The following HEATR9 variants were observed in gnomAD, a reference collection of about 807,000 sequenced individuals.
The protein encoded by HEATR9 is HEAT repeat containing 9.
Under a neutral mutation model 68.2 loss-of-function variants are expected in HEATR9, and 54 were observed. The ratio of observed to expected loss-of-function variants is 0.79; its 90% confidence interval spans 0.64 to 0.99. The LOEUF is 0.99. Ranked by LOEUF, HEATR9 falls within the 50% of genes least tolerant of loss-of-function variation. The pLI is 0.00. For synonymous variants in HEATR9, 241 were observed against 253.5 expected (o/e 0.95, Z 0.47); for missense variants, 662 against 679.7 (o/e 0.97, Z 0.29).
At chr17:35,859,913 A>G (rs933814069) in intron 8 of HEATR9, among the ~76,000 whole-genome samples, 3 of 152,174 alleles carry the variant, frequency 2.0e-5, no homozygotes, top group Non-Finnish European at 4.4e-5. Context: ...CAGTGAGAAA[A>G]TCAAAGCAAC....
At position 35,855,741 on chromosome 17, in the gene HEATR9, C is replaced by G. The variant is rs1470793086; in HGVS notation, c.1288G>C (p.Gly430Arg). The G allele has an allele frequency of 6.2e-7, 1 of 1,613,868 alleles. No homozygotes were observed. The highest frequency in any genetic ancestry group is 2.2e-5 in the East Asian group (1 of 44,874). The change falls in exon 14 of 15, where the codon GGG becomes CGG. Residue 430 changes from glycine to arginine, a missense_variant. By Grantham distance (125) the Gly-to-Arg change is moderately radical (BLOSUM62 -2). Coordinates refer to ENST00000604834, the MANE Select transcript of HEATR9 (RefSeq NM_152781.4). ...TGGAACACTTGTGGACTGCGGATCC[C>G]CAGGACACCCTGGCAGAGGCAGAGT... ...QEAVISLGVL[G>R]IRSPQVFHLL...
In HEATR9 at chr17:35,861,528, G is replaced by C. The variant is rs994256541; in HGVS notation, c.756+1467C>G. On this transcript the variant is annotated intron_variant, in intron 8 of 14. Transcript: ENST00000604834. ...CAAACATCATGTCATGGCTGGGGTAGATGGGCCTCGAAGAGAAATAACACT... is the reference window on the plus strand; with the variant it reads ...CAAACATCATGTCATGGCTGGGGTACATGGGCCTCGAAGAGAAATAACACT... The C allele has an allele frequency of 5.5e-6, 5 of 913,438 alleles. No individual in the cohort carries two copies. The African/African-American group carries it at 6.5e-5, about 12-fold the overall frequency. 56.6% of individuals were successfully genotyped at this position (913,438 alleles called of 1,614,324 possible).
At chr17:35,864,712 C>T (rs2088129852) in intron 4 of HEATR9, 46 bp downstream of exon 4, 1 of 1,611,160 alleles carries the variant, frequency 6.2e-7, no homozygotes. Context: ...GGGAAGGGCA[C>T]CCACAGGGAG....
At position 35,861,374 on chromosome 17, in the gene HEATR9, C is replaced by T. The variant is rs142818586; in HGVS notation, c.756+1621G>A. The T allele has an allele frequency of 1.5e-3, 2,370 of 1,594,070 alleles. 49 individuals carry two copies. In the African/African-American group the frequency reaches 0.029, roughly 19 times the overall value. On this transcript the variant is annotated intron_variant, in intron 8 of 14. Coordinates refer to ENST00000604834, the MANE Select transcript of HEATR9 (RefSeq NM_152781.4). Reference sequence around the variant, plus strand: ...TTTTAAAATTCAAATGAATTATCCACTGTAAGCTCTTTACCAGCTGCTTTC... The same window carrying T: ...TTTTAAAATTCAAATGAATTATCCATTGTAAGCTCTTTACCAGCTGCTTTC...
intron 11 of HEATR9, among the ~76,000 whole-genome samples, chr17:35,857,530 T>C (rs1470195721): frequency 1.3e-5 from 2 of 151,994 alleles, no homozygotes; most frequent in Non-Finnish European, 2.9e-5. Context: ...GAGGCCGAGG[T>C]GGGCAGATCA....
chr17:35,865,267 G>A lies in HEATR9; in HGVS notation c.268C>T (p.Arg90Ter), dbSNP rs1303896230. Residue 90 changes from arginine (R) to a stop codon, truncating the protein, a stop_gained, in exon 3 of 15, where the codon CGA (arginine) becomes TGA (stop). Coordinates refer to ENST00000604834, the MANE Select transcript of HEATR9 (RefSeq NM_152781.4). LOFTEE classifies it high-confidence loss of function. Reference sequence around the variant, plus strand: ...ATCTTCTCAGCCTCCCTTTCCTCTCGCTGATCATACAGGTCGTGCCAGTGC... The same window carrying A: ...ATCTTCTCAGCCTCCCTTTCCTCTCACTGATCATACAGGTCGTGCCAGTGC... ...YTHWHDLYDQ[R>*]EEREAEKMLR... is the part of the protein sequence containing the mutation. 5.6e-6 allele frequency: 9 copies of A among 1,613,898 alleles called. No individual in the cohort carries two copies. Among genetic ancestry groups the A allele is most frequent in the South Asian group, 2.2e-5 (2 of 91,042 alleles).
At chr17:35,856,345 C>T in intron 12 of HEATR9, 121 bp from the exon 13 acceptor site, 1 of 1,607,316 alleles carries the variant, frequency 6.2e-7, no homozygotes, top group Non-Finnish European at 8.5e-7. Context: ...TCATTCATTT[C>T]CTTCTCTTGT....
intron 3 of HEATR9, 106 bp downstream of exon 3, chr17:35,865,109 C>T (rs2088148743): frequency 7.2e-7 from 1 of 1,392,784 alleles, no homozygotes. Flanking sequence ...TCTCTGGGAC[C>T]TGTAGGCTGA....
chr17:35,868,645 C>G lies in HEATR9; in HGVS notation c.88+10G>C. On this transcript the variant is annotated intron_variant, in intron 1 of 14. Coordinates refer to ENST00000604834, the MANE Select transcript of HEATR9 (RefSeq NM_152781.4). Reference sequence around the variant, plus strand: ...GCTCTTGGCTCCATTTCTGTCCATCCCAGCCTCACCTTTGGTCTTGTCTGG... The same window carrying G: ...GCTCTTGGCTCCATTTCTGTCCATCGCAGCCTCACCTTTGGTCTTGTCTGG... The G allele has an allele frequency of 6.2e-7, 1 of 1,614,138 alleles. No homozygotes were observed. The highest frequency in any genetic ancestry group is 8.5e-7 in the Non-Finnish European group (1 of 1,180,000).
chr17:35,856,708 C>T (rs2087786291), intron 12 of HEATR9, 24 bp downstream of exon 12: 6 of 1,583,938 alleles, frequency 3.8e-6, no homozygotes, highest in Non-Finnish European at 5.2e-6. Flanking sequence ...AGGATTTGGC[C>T]CTGGCAGCTC....
intron 1 of HEATR9, 138 bp downstream of exon 1, chr17:35,868,517 A>G (rs1389919456): frequency 8.3e-6 from 12 of 1,453,156 alleles, no homozygotes; most frequent in African/African-American, 4.3e-5. Context: ...AGAGCCATCA[A>G]AGTGTCCAAG....
chr17:35,867,184 C>T (rs1347448200), intron 1 of HEATR9, among the ~76,000 whole-genome samples: 1 of 151,754 alleles, frequency 6.6e-6, no homozygotes, highest in Non-Finnish European at 1.5e-5. Context: ...GGTGTGAACC[C>T]GGGAGGCGGA....
At chr17:35,861,501 G>T in intron 8 of HEATR9, 1 of 1,155,722 alleles carries the variant, frequency 8.7e-7, no homozygotes, top group South Asian at 1.2e-5. Flanking sequence ...AGTCGTTGCG[G>T]ACAAACATCA....
chr17:35,863,233 G>A, intron 7 of HEATR9, 108 bp from the exon 8 acceptor site: 1 of 1,442,390 alleles, frequency 6.9e-7, no homozygotes, highest in Non-Finnish European at 9.6e-7. Flanking sequence ...CCAAGTCCTA[G>A]GTACCACAGT....
intron 2 of HEATR9, 59 bp from the exon 3 acceptor site, chr17:35,865,455 G>T: frequency 1.5e-6 from 2 of 1,355,416 alleles, no homozygotes; most frequent in Non-Finnish European, 2.1e-6. Context: ...ACTTGTGAGG[G>T]TATGGGGAGG....
chr17:35,862,968 C>A, intron 8 of HEATR9, 27 bp downstream of exon 8: 1 of 1,614,168 alleles, frequency 6.2e-7, no homozygotes, highest in Non-Finnish European at 8.5e-7. Context: ...AGCTTTGCCC[C>A]CAATTAAAGA....
Position 35,865,329 on chromosome 17 carries a change from A to G in HEATR9, c.206T>C (p.Val69Ala), listed in dbSNP as rs2088161723. The change falls in exon 3 of 15, where the codon GTC (valine) becomes GCC (alanine). Residue 69 changes from valine to alanine, a missense_variant. By Grantham distance (64) the Val-to-Ala change is moderately conservative. Transcript: ENST00000604834. ...WRQHPSKPNS[V>A]PYCYFKKPEI... ...AGGTTTCTTGAAGTAGCAGTACGGG[A>G]CTGAGTTTGGCTTGCTCGGATGCTG... The G allele has an allele frequency of 1.2e-6, 2 of 1,613,376 alleles. No homozygotes were observed. The highest frequency in any genetic ancestry group is 1.7e-6 in the Non-Finnish European group (2 of 1,179,806).
Position 35,856,787 on chromosome 17 carries a change from CCACAGCCTGCCT to C in HEATR9, c.1159_1170del (p.Arg387_Val390del). On this transcript the variant is annotated inframe_deletion, in exon 12 of 15. Coordinates refer to ENST00000604834, the MANE Select transcript of HEATR9 (RefSeq NM_152781.4). ...AACTTGAGCTCTTCCACAGTTTGAGCCACAGCCTGCCTCACAGCCTGCAGAGGGATCAAAATG... is the reference window on the plus strand; with the variant it reads ...AACTTGAGCTCTTCCACAGTTTGAGCCACAGCCTGCAGAGGGATCAAAATG... The C allele has an allele frequency of 3.1e-6, 5 of 1,605,046 alleles. No homozygotes were observed. Among genetic ancestry groups the C allele is most frequent in the Non-Finnish European group, 2.6e-6 (3 of 1,175,616 alleles).
rs2088162996 is a variant in HEATR9 at position 35,865,357 on chromosome 17, T to G, written c.178A>C (p.Arg60=). The G allele has an allele frequency of 6.2e-7, 1 of 1,613,748 alleles. No individual in the cohort carries two copies. Among genetic ancestry groups the G allele is most frequent in the African/African-American group, 1.3e-5 (1 of 74,890 alleles). The change falls in exon 3 of 15, where the codon AGG becomes CGG. Residue 60 remains arginine (R), a synonymous_variant. Transcript: ENST00000604834. ...GAGTTTGGCTTGCTCGGATGCTGCC[T>G]CCAGCACTCTGGACTTGGGGGAAAC... is the stretch of plus-strand genomic sequence containing the variant. ...EEFPPSPECW[R]QHPSKPNSVP... is the part of the protein sequence containing the mutation.
Sources: allele counts gnomAD v4.1 joint callset (sites outside exome capture counted in the v4.1 genomes callset), GRCh38; gene constraint gnomAD v4.1.1; transcripts MANE v1.5; gene names NCBI Gene and HGNC (gene_info 2026-07-23, HGNC 2026-07-21).